PAPPA: variants seen among roughly 807,000 people sequenced by gnomAD.
PAPPA encodes pappalysin 1.
In PAPPA, 60 loss-of-function variants were observed where a neutral mutation model predicts 164.0. The ratio of observed to expected loss-of-function variants is 0.37; its 90% CI spans 0.30 to 0.45. The LOEUF is 0.45. Ranked by LOEUF, PAPPA falls within the 20% of genes least tolerant of loss-of-function variation. PAPPA has a pLI of 1.00. For synonymous variants in PAPPA, 875 were observed against 814.1 expected (o/e 1.07, Z -1.27); for missense variants, 1,782 against 2,087.3 (o/e 0.85, Z 2.85).
chr9:116,364,706 C>T (rs889209007), intron 18 of PAPPA, among the ~76,000 whole-genome samples: 4 of 152,084 alleles, frequency 2.6e-5, no homozygotes, highest in African/African-American at 4.8e-5. Flanking sequence ...CTCAACTGTA[C>T]GCAAATGAGT....
At chr9:116,335,151 C>T in intron 13 of PAPPA, 77 bp downstream of exon 13, 1 of 1,202,070 alleles carries the variant, frequency 8.3e-7, no homozygotes, top group Non-Finnish European at 1.2e-6. Flanking sequence ...GCTGGGTAGC[C>T]ATTTGTGTGG....
chr9:116,198,977 T>A (rs1844138774), intron 2 of PAPPA, among the ~76,000 whole-genome samples: 2 of 152,206 alleles, frequency 1.3e-5, no homozygotes. Context: ...ACTGCTGACT[T>A]CCATCTCAAT....
Position 116,153,938 on chromosome 9 carries a change from G to C in PAPPA, c.-235G>C. 3.4e-6 allele frequency: 1 copy of C among 296,820 alleles called. No homozygotes were observed. The highest frequency in any genetic ancestry group is 5.5e-6 in the Non-Finnish European group (1 of 182,068). The allele number at this position is 296,820 out of a possible 1,614,324, so 18.4% of individuals were successfully genotyped here. A position where few individuals can be genotyped will look rare whatever the true frequency, so the allele number is the denominator to read the frequency against. ...GAAAAATAAGGCAGATAAAGGAGCG[G>C]GGAGAGAAATTAATTGCCAACCAGG... On this transcript the variant is annotated 5_prime_UTR_variant, in exon 1 of 22. Coordinates refer to ENST00000328252, the MANE Select transcript of PAPPA (RefSeq NM_002581.5).
At chr9:116,252,447 C>T (rs1477874760) in intron 7 of PAPPA, among the ~76,000 whole-genome samples, 1 of 152,132 alleles carries the variant, frequency 6.6e-6, no homozygotes, top group Non-Finnish European at 1.5e-5. Flanking sequence ...TTTTTCTTGG[C>T]ACTGAGTCCT....
rs13294401 is a variant in PAPPA, at chr9:116,307,063, G to A, written c.3147+4113G>A. ...AAAGAATGAGAACTATCCACAGTGA[G>A]ATGGAGTGCCTTGTGATATAAGAAG... On this transcript the variant is annotated intron_variant, in intron 10 of 21. Transcript: ENST00000328252. Among the ~76,000 whole-genome samples the A allele has an allele frequency of 7.0e-3, 1,059 of 152,320 alleles. 3 individuals carry two copies. The highest frequency in any genetic ancestry group is 0.013 in the Non-Finnish European group (861 of 68,020).
chr9:116,237,223 T>A (rs1844679058), intron 7 of PAPPA, among the ~76,000 whole-genome samples: 1 of 152,258 alleles, frequency 6.6e-6, no homozygotes, highest in Non-Finnish European at 1.5e-5. Context: ...AAACTCTTGC[T>A]AATTCATTGA....
Position 116,154,084 on chromosome 9 carries a change from C to T in PAPPA, c.-89C>T. On this transcript the variant is annotated 5_prime_UTR_variant, in exon 1 of 22. Coordinates refer to ENST00000328252, the MANE Select transcript of PAPPA (RefSeq NM_002581.5). The surrounding 1 kb of genome is among the most constrained non-coding windows in gnomAD (Gnocchi z 5.2). Reference sequence around the variant, plus strand: ...GGCTCGCCCAAGAAGGGTGAAGAAGCGAAGAAAGTCGAGGCGCCGAGGCTC... The same window carrying T: ...GGCTCGCCCAAGAAGGGTGAAGAAGTGAAGAAAGTCGAGGCGCCGAGGCTC... 1 of 1,177,420 alleles carries T rather than the reference C, an allele frequency of 8.5e-7. No homozygotes were observed. Among genetic ancestry groups the T allele is most frequent in the Non-Finnish European group, 1.1e-6 (1 of 945,948 alleles). 72.9% of individuals were successfully genotyped at this position (1,177,420 alleles called of 1,614,324 possible).
intron 1 of PAPPA, among the ~76,000 whole-genome samples, chr9:116,157,244 G>A (rs906331557): frequency 6.6e-6 from 1 of 152,180 alleles, no homozygotes; most frequent in Admixed American, 6.5e-5. Context: ...ATCCGCCCGG[G>A]ATGCTATTTC....
chr9:116,376,463 A>G (rs1180985800), intron 19 of PAPPA, among the ~76,000 whole-genome samples: 1 of 152,172 alleles, frequency 6.6e-6, no homozygotes, highest in Non-Finnish European at 1.5e-5. Flanking sequence ...TTTCTGAAAC[A>G]ACTGGTTATT....
intron 18 of PAPPA, among the ~76,000 whole-genome samples, 175 bp downstream of exon 18, chr9:116,362,914 G>C (rs1287475690): frequency 2.0e-5 from 3 of 152,184 alleles, no homozygotes; most frequent in Non-Finnish European, 4.4e-5. Flanking sequence ...TCAGGGACAG[G>C]GATATGGTGA....
At chr9:116,367,320 C>A (rs1004407423) in intron 18 of PAPPA, among the ~76,000 whole-genome samples, 1 of 152,172 alleles carries the variant, frequency 6.6e-6, no homozygotes, top group Non-Finnish European at 1.5e-5. Context: ...GCAGGAGGCA[C>A]TGAGTGCCCA....
chr9:116,226,381 G>A (rs979766144), intron 5 of PAPPA, among the ~76,000 whole-genome samples: 4 of 152,136 alleles, frequency 2.6e-5, no homozygotes, highest in South Asian at 4.1e-4. Flanking sequence ...CATAGTGAAC[G>A]TCCCTGTGAG....
rs138300910 is a variant in PAPPA, at chr9:116,245,236, C to A, written c.2732+9599C>A. The stretch of plus-strand genomic sequence containing the variant: ...GTACATTATTCAGACCGTAGATACC[C>A]CCCAAACCCTGAATTCACTCTGCCA... On this transcript the variant is annotated intron_variant, in intron 7 of 21. Transcript: ENST00000328252. Among the ~76,000 whole-genome samples the A allele has an allele frequency of 3.4e-3, 524 of 152,110 alleles. 6 individuals are homozygous for A. The highest frequency in any genetic ancestry group is 0.012 in the African/African-American group (507 of 41,490).
At chr9:116,157,091 T>C (rs1033694938) in intron 1 of PAPPA, among the ~76,000 whole-genome samples, 1 of 152,206 alleles carries the variant, frequency 6.6e-6, no homozygotes, top group Non-Finnish European at 1.5e-5. Flanking sequence ...TGTCTTGCTG[T>C]CAGGCCAGGC....
chr9:116,307,116 A>G (rs1587996454), intron 10 of PAPPA, among the ~76,000 whole-genome samples: 1 of 152,212 alleles, frequency 6.6e-6, no homozygotes, highest in East Asian at 1.9e-4. Flanking sequence ...TTCAGGCTGG[A>G]CAGCTGACTG....
At chr9:116,198,835 A>G (rs1235146622) in intron 2 of PAPPA, among the ~76,000 whole-genome samples, 1 of 152,146 alleles carries the variant, frequency 6.6e-6, no homozygotes, top group Non-Finnish European at 1.5e-5. Context: ...AGTGTGCTTT[A>G]TTCTGAGATT....
At chr9:116,335,117 G>A (rs548828491) in intron 13 of PAPPA, 43 bp downstream of exon 13, 14 of 1,489,020 alleles carry the variant, frequency 9.4e-6, no homozygotes, top group South Asian at 3.4e-5. Flanking sequence ...ACTTGTAGCC[G>A]AGTGGAGACA....
chr9:116,164,802 G>C (rs1036906602), intron 1 of PAPPA, among the ~76,000 whole-genome samples: 1 of 152,176 alleles, frequency 6.6e-6, no homozygotes, highest in Non-Finnish European at 1.5e-5. Context: ...AAGAGAGAAG[G>C]CTGTGTTAAT....
At chr9:116,177,440 G>GGAAT in intron 1 of PAPPA, among the ~76,000 whole-genome samples, 1 of 152,204 alleles carries the variant, frequency 6.6e-6, no homozygotes. Context: ...TCATTGTGCT[G>GGAAT]GCCTGGAAAT....
Sources: allele counts gnomAD v4.1 joint callset (sites outside exome capture counted in the v4.1 genomes callset), GRCh38; gene constraint gnomAD v4.1.1; non-coding constraint Gnocchi (gnomAD v3.1); transcripts MANE v1.5; gene names NCBI Gene and HGNC (gene_info 2026-07-23, HGNC 2026-07-21).